Variants in FGF14 observed in about 807,000 individuals in gnomAD.
The protein encoded by FGF14 is fibroblast growth factor 14.
A neutral mutation model predicts 25.5 loss-of-function variants in FGF14; 5 were observed. The ratio of observed to expected loss-of-function variants is 0.20; its 90% CI spans 0.10 to 0.41. The LOEUF (loss-of-function observed/expected upper bound fraction) is 0.41, where lower values mean the gene tolerates loss of function less well. Ranked by LOEUF, FGF14 falls within the 10% of genes least tolerant of loss-of-function variation. The pLI, the probability that FGF14 is intolerant of heterozygous loss-of-function variation, is 1.00. For missense variants in FGF14, 222 were observed against 320.1 expected (o/e 0.69, Z 2.34); for synonymous variants, 138 against 118.3 (o/e 1.17, Z -1.08).
At chr13:102,302,407 A>C (rs1028796900) in intron 1 of FGF14, among the ~76,000 whole-genome samples, 29 of 152,004 alleles carry the variant, frequency 1.9e-4, no homozygotes, top group African/African-American at 7.0e-4. Context: ...CTGTGCTGTA[A>C]AGATCAGCCT....
At chr13:101,864,247 T>C (rs182598788) in intron 3 of FGF14, among the ~76,000 whole-genome samples, 3 of 152,258 alleles carry the variant, frequency 2.0e-5, no homozygotes, top group Admixed American at 6.5e-5. Context: ...CTGGTCTGCT[T>C]TCAAACTTCT....
chr13:101,824,444 T>C (rs1485435916), intron 3 of FGF14, among the ~76,000 whole-genome samples: 2 of 152,238 alleles, frequency 1.3e-5, no homozygotes, highest in African/African-American at 2.4e-5. Flanking sequence ...GATTACTTCT[T>C]CGTTTTCTCT....
At chr13:101,972,443 A>G (rs1334156661) in intron 1 of FGF14, among the ~76,000 whole-genome samples, 2 of 152,180 alleles carry the variant, frequency 1.3e-5, no homozygotes, top group African/African-American at 4.8e-5. Flanking sequence ...ATTTTGGAAT[A>G]AGGAAGGTAG....
intron 1 of FGF14, among the ~76,000 whole-genome samples, chr13:102,028,707 G>T (rs7988911): frequency 0.46 from 69,743 of 151,318 alleles, 17,951 homozygotes; most frequent in East Asian, 0.73. Context: ...GGAATATGGG[G>T]TTTTTTTTGT....
chr13:102,077,117 CA>C (rs2043401220), intron 1 of FGF14, among the ~76,000 whole-genome samples: 1 of 152,090 alleles, frequency 6.6e-6, no homozygotes, highest in Non-Finnish European at 1.5e-5. Context: ...ATGCCATATA[CA>C]AAAATTGGCT....
chr13:102,061,110 C>T (rs1225194713), intron 1 of FGF14, among the ~76,000 whole-genome samples: 1 of 152,212 alleles, frequency 6.6e-6, no homozygotes, highest in African/African-American at 2.4e-5. Context: ...CGGCTGAGAG[C>T]TACTTCCACC....
intron 1 of FGF14, among the ~76,000 whole-genome samples, chr13:102,200,551 G>A (rs997410794): frequency 1.3e-5 from 2 of 151,376 alleles, no homozygotes; most frequent in Non-Finnish European, 2.9e-5. Flanking sequence ...TTAGAAAAAC[G>A]TCAAGGCAAG....
chr13:102,126,006 T>G (rs2045934061), intron 1 of FGF14, among the ~76,000 whole-genome samples: 1 of 152,124 alleles, frequency 6.6e-6, no homozygotes, highest in Non-Finnish European at 1.5e-5. Flanking sequence ...CTCTCTCAAT[T>G]CCCTGTGTCC....
intron 1 of FGF14, among the ~76,000 whole-genome samples, chr13:102,268,617 AT>A (rs1357552305): frequency 1.3e-5 from 2 of 152,106 alleles, no homozygotes; most frequent in African/African-American, 4.8e-5. Flanking sequence ...TTCACTTCTC[AT>A]TTCTGACCTG....
At chr13:102,379,463 T>G (rs1254476133) in intron 1 of FGF14, among the ~76,000 whole-genome samples, 1 of 151,626 alleles carries the variant, frequency 6.6e-6, no homozygotes, top group Non-Finnish European at 1.5e-5. Context: ...TATATATATA[T>G]ACCTTTATAT....
intron 1 of FGF14, among the ~76,000 whole-genome samples, chr13:102,344,456 G>C (rs971195019): frequency 6.6e-6 from 1 of 152,228 alleles, no homozygotes; most frequent in African/African-American, 2.4e-5. Context: ...TCTATTACCA[G>C]AGCATTTGAA....
At chr13:102,177,294 G>A (rs1425071684) in intron 1 of FGF14, among the ~76,000 whole-genome samples, 1 of 152,190 alleles carries the variant, frequency 6.6e-6, no homozygotes, top group Non-Finnish European at 1.5e-5. Flanking sequence ...GTCTGGGTAA[G>A]CCAGATCCCT....
intron 1 of FGF14, among the ~76,000 whole-genome samples, chr13:101,948,201 T>C (rs1302846059): frequency 1.3e-5 from 2 of 152,244 alleles, no homozygotes; most frequent in Non-Finnish European, 2.9e-5. Context: ...GCATATTATA[T>C]GTTACTTTTG....
At chr13:101,943,826 A>AAATATAT (rs1555324449) in intron 1 of FGF14, among the ~76,000 whole-genome samples, 22 of 126,806 alleles carry the variant, frequency 1.7e-4, no homozygotes, top group African/African-American at 6.8e-4. Flanking sequence ...AAAAAAAAAA[A>AAATATAT]ATATATATAT....
chr13:101,923,066 T>G (rs2139181859), intron 1 of FGF14, among the ~76,000 whole-genome samples: 1 of 152,214 alleles, frequency 6.6e-6, no homozygotes, highest in South Asian at 2.1e-4. Context: ...TAAAAACACT[T>G]CATTAAGCTA....
intron 3 of FGF14, among the ~76,000 whole-genome samples, chr13:101,845,144 C>A (rs1285309725): frequency 6.6e-6 from 1 of 151,980 alleles, no homozygotes; most frequent in Non-Finnish European, 1.5e-5. Context: ...AGTACGCCTT[C>A]ATCGGTGAAG....
At chr13:101,852,693 T>C (rs889316511) in intron 3 of FGF14, among the ~76,000 whole-genome samples, 2 of 152,024 alleles carry the variant, frequency 1.3e-5, no homozygotes, top group Non-Finnish European at 1.5e-5. Context: ...AGAAGAATAC[T>C]TGATGTCAAA....
At chr13:101,759,359 G>T (rs1424372298) in intron 3 of FGF14, among the ~76,000 whole-genome samples, 1 of 152,158 alleles carries the variant, frequency 6.6e-6, no homozygotes, top group East Asian at 1.9e-4. Context: ...GAATCCAAGA[G>T]TGATCAGGAT....
At chr13:102,177,779 G>GA (rs898163772) in intron 1 of FGF14, among the ~76,000 whole-genome samples, 24 of 146,904 alleles carry the variant, frequency 1.6e-4, no homozygotes, top group South Asian at 4.3e-4. Flanking sequence ...AATTATAAAG[G>GA]AAAAAAAAAA....
Sources: gnomAD v4.1 joint callset for allele counts (sites outside exome capture counted in the v4.1 genomes callset) on GRCh38, gnomAD v4.1.1 for gene constraint, MANE v1.5 for transcripts, NCBI Gene and HGNC (gene_info 2026-07-23, HGNC 2026-07-21) for gene names.